Variants in PYROXD1 observed in about 807,000 individuals in gnomAD.
PYROXD1 encodes the protein pyridine nucleotide-disulphide oxidoreductase domain 1, also known as tRNA ligase complex-associated NAD(P)H dehydrogenase PYROXD1.
PYROXD1 carries 42 observed loss-of-function variants against 62.0 expected under a neutral mutation model. The observed-to-expected ratio is 0.68, with a 90% confidence interval of 0.53 to 0.88. The LOEUF is 0.88. PYROXD1 is among the 40% of genes least tolerant of loss of function. PYROXD1 has a pLI of 0.00. For synonymous variants in PYROXD1, 170 were observed against 206.4 expected (o/e 0.82, Z 1.51); for missense variants, 493 against 604.8 (o/e 0.82, Z 1.94).
chr12:21,438,865 A>G (rs140826142), intron 1 of PYROXD1, among the ~76,000 whole-genome samples: 31 of 127,508 alleles, frequency 2.4e-4, no homozygotes, highest in East Asian at 9.6e-4. Flanking sequence ...TGAGTGTTCA[A>G]CTATGAACAG....
chr12:21,449,094 G>A (rs1474378262), intron 3 of PYROXD1, among the ~76,000 whole-genome samples: 1 of 152,012 alleles, frequency 6.6e-6, no homozygotes, highest in African/African-American at 2.4e-5. Context: ...TAGATATGAA[G>A]GTAGGATATG....
rs775565257 is a variant in PYROXD1, at chr12:21,470,200, A to G, written c.*1446A>G. 5 of 1,611,706 alleles carry G rather than the reference A, an allele frequency of 3.1e-6. No homozygotes were observed. In the East Asian group the frequency reaches 1.1e-4, roughly 36 times the overall value. Reference sequence around the variant, plus strand: ...AAATTTAGTAACATTCATATCAGGCATCATCGATTTTTCTTTTCTTAGCTC... The same window carrying G: ...AAATTTAGTAACATTCATATCAGGCGTCATCGATTTTTCTTTTCTTAGCTC... On this transcript the variant is annotated 3_prime_UTR_variant, in exon 12 of 12. Transcript: ENST00000240651.
chr12:21,467,666 G>A, intron 11 of PYROXD1, 48 bp downstream of exon 11: 2 of 1,360,536 alleles, frequency 1.5e-6, no homozygotes, highest in Non-Finnish European at 2.0e-6. Context: ...TTAGTCTTAT[G>A]ACTATGATAA....
chr12:21,460,421 TTTTA>T (rs1942673490), intron 7 of PYROXD1, among the ~76,000 whole-genome samples: 2 of 111,802 alleles, frequency 1.8e-5, no homozygotes, highest in Non-Finnish European at 2.0e-5. Context: ...TATTTATTTA[TTTTA>T]TTTATTTATT....
intron 6 of PYROXD1, 56 bp downstream of exon 6, chr12:21,455,348 A>T: frequency 9.1e-7 from 1 of 1,094,174 alleles, no homozygotes; most frequent in Non-Finnish European, 1.2e-6. Context: ...AAAACCATAT[A>T]GAAAAGGGCT....
At chr12:21,447,859 G>A in intron 3 of PYROXD1, 1 of 181,594 alleles carries the variant, frequency 5.5e-6, no homozygotes, top group South Asian at 1.7e-4. Flanking sequence ...CGTGGGGGCG[G>A]GCGCCTGTAG....
intron 7 of PYROXD1, chr12:21,457,108 G>T: frequency 7.4e-6 from 2 of 271,094 alleles, no homozygotes; most frequent in Non-Finnish European, 1.5e-5. Context: ...CTTCTTTCAA[G>T]CTTTTGTTAA....
chr12:21,471,071 A>G lies in PYROXD1; in HGVS notation c.*2317A>G, dbSNP rs1942942303. The G allele has an allele frequency of 1.3e-6, 2 of 1,599,514 alleles. No homozygotes were observed. The highest frequency in any genetic ancestry group is 2.7e-5 in the African/African-American group (2 of 73,940). On this transcript the variant is annotated 3_prime_UTR_variant, in exon 12 of 12. Transcript: ENST00000240651. ...GTCCTATTTTCAAATACGAAATGGT[A>G]GCATAAGCTGTAAAACTGTAGTCTT...
Position 21,446,408 on chromosome 12 carries a change from G to A in PYROXD1, c.285+942G>A, listed in dbSNP as rs914666239. Among the ~76,000 whole-genome samples, 3 of 152,124 alleles carry A rather than the reference G, an allele frequency of 2.0e-5. No homozygotes were observed. The East Asian group carries it at 5.8e-4, about 29-fold the overall frequency. The stretch of plus-strand genomic sequence containing the variant: ...CCACTGCACTCCAGCCTGGGCGACA[G>A]AGCGAGACTCCTTCTCAAAAAAAAG... On this transcript the variant is annotated intron_variant, in intron 3 of 11. Coordinates refer to ENST00000240651, the MANE Select transcript of PYROXD1 (RefSeq NM_024854.5).
intron 7 of PYROXD1, among the ~76,000 whole-genome samples, chr12:21,458,371 C>A (rs969354880): frequency 6.6e-6 from 1 of 152,172 alleles, no homozygotes; most frequent in Non-Finnish European, 1.5e-5. Flanking sequence ...CTGATTTGAT[C>A]TTCTCTCCAC....
At chr12:21,466,926 G>T (rs930433763) in intron 10 of PYROXD1, among the ~76,000 whole-genome samples, 2 of 152,024 alleles carry the variant, frequency 1.3e-5, no homozygotes, top group African/African-American at 4.8e-5. Flanking sequence ...AAACTTCATA[G>T]AAATAAAATA....
chr12:21,464,135 G>A (rs61926297), intron 10 of PYROXD1, among the ~76,000 whole-genome samples: 977 of 93,254 alleles, frequency 0.01, 8 homozygotes, highest in Non-Finnish European at 0.014. Flanking sequence ...TGGAGTTTAT[G>A]GGTTTTTTTT....
intron 10 of PYROXD1, among the ~76,000 whole-genome samples, chr12:21,465,978 G>C (rs1336037941): frequency 6.6e-6 from 1 of 152,138 alleles, no homozygotes; most frequent in African/African-American, 2.4e-5. Flanking sequence ...GATAGTTGTA[G>C]ATATGAGGCA....
chr12:21,455,457 G>A (rs574236651), intron 6 of PYROXD1, among the ~76,000 whole-genome samples, 165 bp downstream of exon 6: 1 of 109,138 alleles, frequency 9.2e-6, no homozygotes, highest in African/African-American at 3.5e-5. Context: ...ATATATGTAT[G>A]TATTTTATAT....
rs1438772598 is a variant in PYROXD1 at position 21,470,948 on chromosome 12, T to G, written c.*2194T>G. On this transcript the variant is annotated 3_prime_UTR_variant, in exon 12 of 12. Coordinates refer to ENST00000240651, the MANE Select transcript of PYROXD1 (RefSeq NM_024854.5). ...ATATACTTTTTAAAATATATAAAACTGAAAATTAATAGCCATTTACCCTGA... is the reference window on the plus strand; with the variant it reads ...ATATACTTTTTAAAATATATAAAACGGAAAATTAATAGCCATTTACCCTGA... 1 of 1,451,182 alleles carries G rather than the reference T, an allele frequency of 6.9e-7. No homozygotes were observed. The highest frequency in any genetic ancestry group is 1.5e-5 in the South Asian group (1 of 66,516). 89.9% of individuals were successfully genotyped at this position (1,451,182 alleles called of 1,614,324 possible). A position where few individuals can be genotyped will look rare whatever the true frequency, so the allele number is the denominator to read the frequency against.
chr12:21,440,491 T>A (rs1461841986), intron 2 of PYROXD1, 43 bp downstream of exon 2: 7 of 1,069,100 alleles, frequency 6.5e-6, no homozygotes, highest in Non-Finnish European at 9.8e-6. Flanking sequence ...TTTGAAAAAA[T>A]TGCAATAACT....
rs138651198 is a variant in PYROXD1, at chr12:21,471,006, G to T, written c.*2252G>T. 1 of 1,590,496 alleles carries T rather than the reference G, an allele frequency of 6.3e-7. No homozygotes were observed. Among genetic ancestry groups the T allele is most frequent in the Non-Finnish European group, 8.5e-7 (1 of 1,171,058 alleles). On this transcript the variant is annotated 3_prime_UTR_variant, in exon 12 of 12. Transcript: ENST00000240651. Reference sequence around the variant, plus strand: ...CTGCGTGGACTTTGTCACTTGCATAGTAATAGCATGTGCCTCATTGTTCAG... The same window carrying T: ...CTGCGTGGACTTTGTCACTTGCATATTAATAGCATGTGCCTCATTGTTCAG...
chr12:21,440,500 C>A, intron 2 of PYROXD1, 52 bp downstream of exon 2: 1 of 991,474 alleles, frequency 1.0e-6, no homozygotes, highest in South Asian at 1.4e-5. Context: ...ATTGCAATAA[C>A]TTGCATAGCA....
At chr12:21,464,624 G>A (rs889294967) in intron 10 of PYROXD1, among the ~76,000 whole-genome samples, 18 of 151,898 alleles carry the variant, frequency 1.2e-4, no homozygotes, top group Admixed American at 1.0e-3. Context: ...AGTAGGTAGT[G>A]TTATGTTTAC....
Sources: gnomAD v4.1 joint callset for allele counts (sites outside exome capture counted in the v4.1 genomes callset) on GRCh38, gnomAD v4.1.1 for gene constraint, MANE v1.5 for transcripts, NCBI Gene and HGNC (gene_info 2026-07-23, HGNC 2026-07-21) for gene names.